Variants in PTPRD observed in about 807,000 individuals in gnomAD.
PTPRD encodes receptor-type tyrosine-protein phosphatase delta.
In PTPRD, 34 loss-of-function variants were observed where a neutral mutation model predicts 214.5. The observed-to-expected ratio is 0.16, with a 90% confidence interval of 0.12 to 0.21. The LOEUF (loss-of-function observed/expected upper bound fraction) is 0.21. Ranked by LOEUF, PTPRD falls within the 10% of genes least tolerant of loss-of-function variation. PTPRD has a pLI of 1.00. For synonymous variants in PTPRD, 1,128 were observed against 845.7 expected (o/e 1.33, Z -5.79); for missense variants, 2,545 against 2,398.7 (o/e 1.06, Z -1.27).
rs373363751 is a variant in PTPRD, at chr9:8,557,779, T to TACAC, written c.353-29004_353-29001dup. The stretch of plus-strand genomic sequence containing the variant: ...AAAAAAAAAAAAAAGAAAAACAAAA[T>TACAC]ACACACACACACACACACACACACA... On this transcript the variant is annotated intron_variant, in intron 14 of 45. Coordinates refer to ENST00000381196, the MANE Select transcript of PTPRD (RefSeq NM_002839.4). Among the ~76,000 whole-genome samples, 1,004 of 103,874 alleles carry TACAC rather than the reference T, an allele frequency of 9.7e-3. 2 individuals are homozygous for TACAC. The highest frequency in any genetic ancestry group is 0.017 in the Middle Eastern group (3 of 178). The allele number at this position is 103,874 out of a possible 152,430, so 68.1% of individuals were successfully genotyped here.
chr9:10,543,858 A>T (rs1214810323), intron 2 of PTPRD, among the ~76,000 whole-genome samples: 1 of 152,228 alleles, frequency 6.6e-6, no homozygotes, highest in Non-Finnish European at 1.5e-5. Flanking sequence ...GGTTTGAACC[A>T]TATCTCAGAG....
At chr9:10,002,604 G>A (rs1017215274) in intron 4 of PTPRD, among the ~76,000 whole-genome samples, 5 of 150,534 alleles carry the variant, frequency 3.3e-5, no homozygotes, top group South Asian at 2.1e-4. Context: ...AGAATATTTT[G>A]TAATAATAAA....
intron 14 of PTPRD, among the ~76,000 whole-genome samples, chr9:8,570,156 C>G (rs10977208): frequency 0.51 from 78,156 of 151,918 alleles, 23,314 homozygotes; most frequent in African/African-American, 0.85. Flanking sequence ...ACATAATTTG[C>G]TAGTATATGT....
chr9:10,267,804 T>C (rs780376805), intron 3 of PTPRD, among the ~76,000 whole-genome samples: 69 of 152,284 alleles, frequency 4.5e-4, no homozygotes, highest in Non-Finnish European at 6.3e-4. Flanking sequence ...GCTGTATACA[T>C]TTAATAAACT....
At chr9:10,461,646 G>A (rs1433950769) in intron 2 of PTPRD, among the ~76,000 whole-genome samples, 1 of 145,448 alleles carries the variant, frequency 6.9e-6, no homozygotes, top group African/African-American at 2.6e-5. Flanking sequence ...TTTTTAAGAT[G>A]GAGTCTCGCT....
At chr9:8,708,363 G>T (rs187386708) in intron 12 of PTPRD, among the ~76,000 whole-genome samples, 62 of 152,142 alleles carry the variant, frequency 4.1e-4, no homozygotes, top group African/African-American at 1.4e-3. Flanking sequence ...CAGTATGGAA[G>T]TTCCTTAAAT....
At chr9:9,588,266 G>A (rs368057933) in intron 7 of PTPRD, among the ~76,000 whole-genome samples, 14 of 151,900 alleles carry the variant, frequency 9.2e-5, no homozygotes, top group African/African-American at 2.4e-4. Context: ...AAAATAAAGC[G>A]TCTTCATAAA....
At chr9:9,759,560 T>TC (rs1378523340) in intron 6 of PTPRD, among the ~76,000 whole-genome samples, 9 of 146,256 alleles carry the variant, frequency 6.2e-5, no homozygotes, top group African/African-American at 2.3e-4. Flanking sequence ...TCTGTCTTTT[T>TC]TTTTTTTTTT....
At chr9:9,024,356 T>TTTTTTG (rs1569452039) in intron 10 of PTPRD, among the ~76,000 whole-genome samples, 1 of 147,082 alleles carries the variant, frequency 6.8e-6, no homozygotes, top group Non-Finnish European at 1.5e-5. Context: ...TTGTTTGTTT[T>TTTTTTG]TTTTTTTTTC....
intron 10 of PTPRD, among the ~76,000 whole-genome samples, chr9:9,054,879 A>G (rs888190421): frequency 6.6e-6 from 1 of 152,190 alleles, no homozygotes; most frequent in African/African-American, 2.4e-5. Context: ...AAGGGAACAC[A>G]AAGAAGAAGA....
At chr9:9,291,339 C>T (rs112201229) in intron 9 of PTPRD, among the ~76,000 whole-genome samples, 30 of 151,558 alleles carry the variant, frequency 2.0e-4, no homozygotes, top group African/African-American at 6.5e-4. Flanking sequence ...TGAGAGACTG[C>T]TTTCTTTACA....
chr9:8,652,899 G>A (rs1180953309), intron 12 of PTPRD, among the ~76,000 whole-genome samples: 1 of 152,180 alleles, frequency 6.6e-6, no homozygotes, highest in Non-Finnish European at 1.5e-5. Flanking sequence ...GTTATTGTGA[G>A]ATAAGCCTTT....
intron 14 of PTPRD, among the ~76,000 whole-genome samples, chr9:8,569,053 T>C (rs575941337): frequency 2.6e-5 from 4 of 152,174 alleles, no homozygotes; most frequent in Admixed American, 2.6e-4. Context: ...TTATTCTCTC[T>C]CCCAAAAACC....
intron 2 of PTPRD, among the ~76,000 whole-genome samples, chr9:10,403,226 A>AT (rs1399045775): frequency 1.0e-4 from 11 of 109,066 alleles, no homozygotes; most frequent in East Asian, 5.4e-4. Flanking sequence ...GTGTGTGTGT[A>AT]AATATATATA....
intron 9 of PTPRD, among the ~76,000 whole-genome samples, chr9:9,335,023 C>A (rs936049468): frequency 7.9e-5 from 12 of 151,992 alleles, no homozygotes; most frequent in Non-Finnish European, 1.5e-4. Context: ...AAAGCAAAGA[C>A]TTCACCTGTC....
chr9:8,462,488 G>A lies in PTPRD; in HGVS notation c.3715-1917C>T, dbSNP rs374898546. Reference sequence around the variant, plus strand: ...CTCTCTCTTGATTCCCAAATAAAACGTAGATAACTTAGCATGGTTCTCAAG... The same window carrying A: ...CTCTCTCTTGATTCCCAAATAAAACATAGATAACTTAGCATGGTTCTCAAG... On this transcript the variant is annotated intron_variant, in intron 32 of 45. Coordinates refer to ENST00000381196, the MANE Select transcript of PTPRD (RefSeq NM_002839.4). Among the ~76,000 whole-genome samples the A allele has an allele frequency of 1.3e-3, 192 of 152,010 alleles. 2 individuals are homozygous for A. The South Asian group carries it at 0.027, about 21-fold the overall frequency.
chr9:9,880,910 A>G (rs940387851), intron 5 of PTPRD, among the ~76,000 whole-genome samples: 2 of 152,092 alleles, frequency 1.3e-5, no homozygotes, highest in Non-Finnish European at 2.9e-5. Context: ...AAATAATTAC[A>G]TATTTGTATG....
rs2068336976 is a variant in PTPRD at position 9,397,451 on chromosome 9, C to A, written c.-205G>T. 1 of 152,360 alleles carries A rather than the reference C, an allele frequency of 6.6e-6. No homozygotes were observed. Among genetic ancestry groups the A allele is most frequent in the African/African-American group, 2.4e-5 (1 of 41,410 alleles). 9.4% of individuals were successfully genotyped at this position (152,360 alleles called of 1,614,324 possible). ...TAAGATGAGCAAAATAAACTTACCACAGTTGTTCAGTTAATGGACAGGCAC... is the reference window on the plus strand; with the variant it reads ...TAAGATGAGCAAAATAAACTTACCAAAGTTGTTCAGTTAATGGACAGGCAC... On this transcript the variant is annotated splice_region_variant and 5_prime_UTR_variant, in exon 9 of 46. Coordinates refer to ENST00000381196, the MANE Select transcript of PTPRD (RefSeq NM_002839.4).
At chr9:9,095,537 T>TGGGA (rs1350404011) in intron 10 of PTPRD, among the ~76,000 whole-genome samples, 2 of 152,158 alleles carry the variant, frequency 1.3e-5, no homozygotes, top group Non-Finnish European at 2.9e-5. Flanking sequence ...GGAAGTCTCC[T>TGGGA]GGGACTTGTC....
Sources: gnomAD v4.1 joint callset for allele counts (sites outside exome capture counted in the v4.1 genomes callset) on GRCh38, gnomAD v4.1.1 for gene constraint, MANE v1.5 for transcripts, NCBI Gene and HGNC (gene_info 2026-07-23, HGNC 2026-07-21) for gene names.